XKR6: variants seen among roughly 807,000 people sequenced by gnomAD.
The protein encoded by XKR6 is XK-related protein 6.
In XKR6, 22 loss-of-function variants were observed where a neutral mutation model predicts 56.7. The observed-to-expected ratio is 0.39, with a 90% confidence interval of 0.28 to 0.55. The LOEUF (loss-of-function observed/expected upper bound fraction) is 0.55. Ranked by LOEUF, XKR6 falls within the 20% of genes least tolerant of loss-of-function variation. The probability of loss-of-function intolerance (pLI) is 0.66; values close to 1 mark genes in which losing one functional copy is unlikely to be tolerated. For synonymous variants in XKR6, 524 were observed against 387.8 expected, an observed-to-expected ratio of 1.35 and a Z score of -4.13; for missense variants, 852 against 889.0, an observed-to-expected ratio of 0.96 and a Z score of 0.53.
intron 1 of XKR6, among the ~76,000 whole-genome samples, chr8:10,979,084 A>G (rs1173237366): frequency 2.0e-5 from 3 of 151,868 alleles, no homozygotes; most frequent in East Asian, 3.9e-4. Context: ...CCCATCTTCA[A>G]TGTCACCTCC....
chr8:11,077,881 G>C (rs1010338234), intron 1 of XKR6, among the ~76,000 whole-genome samples: 5 of 152,184 alleles, frequency 3.3e-5, no homozygotes, highest in Non-Finnish European at 7.4e-5. Context: ...GGACCCAGGG[G>C]ATCCACAGAA....
rs1799924742 is a variant in XKR6 at position 10,897,780 on chromosome 8, G to A, written c.*172C>T. The A allele has an allele frequency of 1.4e-6, 1 of 698,832 alleles. No homozygotes were observed. Among genetic ancestry groups the A allele is most frequent in the African/African-American group, 1.8e-5 (1 of 55,820 alleles). 43.3% of individuals were successfully genotyped at this position (698,832 alleles called of 1,614,324 possible). On this transcript the variant is annotated 3_prime_UTR_variant, in exon 3 of 3. Transcript: ENST00000416569. ...GACTGGAAAGAAAGCTTATTTGAAGGGGTTGTGACTTATTAATTCTTTTTT... is the reference window on the plus strand; with the variant it reads ...GACTGGAAAGAAAGCTTATTTGAAGAGGTTGTGACTTATTAATTCTTTTTT...
chr8:11,002,404 C>T (rs1313588256), intron 1 of XKR6: 9 of 392,528 alleles, frequency 2.3e-5, no homozygotes. Context: ...GTTCTGTTGG[C>T]CTGGGGGAGG....
At position 11,189,035 on chromosome 8, in the gene XKR6, G is replaced by C. The variant is rs1271575590; in HGVS notation, c.764+11541C>G. On this transcript the variant is annotated intron_variant, in intron 1 of 2. Coordinates refer to ENST00000416569, the MANE Select transcript of XKR6 (RefSeq NM_173683.4). ...CCCCTCTCCTGGCTGTTCTCCCCAC[G>C]AATCTATCAAGCAAAATGTAGGTAG... Among the ~76,000 whole-genome samples, 3 of 152,150 alleles carry C rather than the reference G, an allele frequency of 2.0e-5. No homozygotes were observed. The East Asian group carries it at 5.8e-4, about 29-fold the overall frequency.
intron 2 of XKR6, among the ~76,000 whole-genome samples, chr8:10,911,246 A>T (rs975015390): frequency 6.7e-5 from 10 of 150,024 alleles, no homozygotes; most frequent in African/African-American, 2.5e-4. Context: ...GTATAGAGAG[A>T]GAGAGAGAGA....
chr8:10,972,799 C>T (rs1450530318), intron 1 of XKR6, among the ~76,000 whole-genome samples: 1 of 152,202 alleles, frequency 6.6e-6, no homozygotes, highest in Non-Finnish European at 1.5e-5. Flanking sequence ...GTGATGATTA[C>T]ACAACAGTGT....
At chr8:10,924,492 C>T in intron 2 of XKR6, 142 bp downstream of exon 2, 1 of 984,192 alleles carries the variant, frequency 1.0e-6, no homozygotes, top group South Asian at 1.6e-5. Flanking sequence ...CAGCACTGCA[C>T]TGGGGGCCGG....
intron 1 of XKR6, among the ~76,000 whole-genome samples, chr8:11,174,257 T>C (rs1381865002): frequency 1.3e-5 from 2 of 152,182 alleles, no homozygotes; most frequent in African/African-American, 4.8e-5. Context: ...ACCCTTCCTC[T>C]CAAGCAGTAA....
At chr8:11,119,209 G>C (rs544462906) in intron 1 of XKR6, among the ~76,000 whole-genome samples, 40 of 152,266 alleles carry the variant, frequency 2.6e-4, no homozygotes, top group Admixed American at 1.3e-3. Flanking sequence ...TACATTTGCT[G>C]AGGAGTGCTT....
chr8:10,990,895 C>CTTTTTT lies in XKR6; in HGVS notation c.765-66071_765-66066dup, dbSNP rs59410799. 3.5e-4 allele frequency among the ~76,000 whole-genome samples: 26 copies of CTTTTTT among 73,598 alleles called. 5 individuals are homozygous for CTTTTTT. The highest frequency in any genetic ancestry group is 1.0e-3 in the African/African-American group (17 of 16,874). 48.3% of individuals were successfully genotyped at this position (73,598 alleles called of 152,430 possible). On this transcript the variant is annotated intron_variant, in intron 1 of 2. Coordinates refer to ENST00000416569, the MANE Select transcript of XKR6 (RefSeq NM_173683.4). ...ACCATGCCCGGCCACTGGGGAATGT[C>CTTTTTT]TTTTTTTTTTTTTTTTTTTTTTTTC...
At chr8:11,128,015 A>T (rs1799913727) in intron 1 of XKR6, among the ~76,000 whole-genome samples, 1 of 152,230 alleles carries the variant, frequency 6.6e-6, no homozygotes, top group African/African-American at 2.4e-5. Flanking sequence ...ATAAAACGAC[A>T]TGCATTTGAT....
At chr8:11,102,034 G>A in intron 1 of XKR6, among the ~76,000 whole-genome samples, 1 of 152,204 alleles carries the variant, frequency 6.6e-6, no homozygotes, top group East Asian at 1.9e-4. Context: ...GCAACATTTA[G>A]AAACAGCGAG....
At chr8:11,115,579 T>C (rs1799132254) in intron 1 of XKR6, among the ~76,000 whole-genome samples, 1 of 152,234 alleles carries the variant, frequency 6.6e-6, no homozygotes, top group South Asian at 2.1e-4. Context: ...TTTGCATTTC[T>C]CTGCTGGTTC....
intron 1 of XKR6, among the ~76,000 whole-genome samples, chr8:10,946,721 AG>A (rs1801556320): frequency 6.6e-6 from 1 of 152,240 alleles, no homozygotes; most frequent in Admixed American, 6.5e-5. Context: ...GGGTAGGCAC[AG>A]GGGACCCAGC....
chr8:10,913,492 G>A (rs1800468302), intron 2 of XKR6, among the ~76,000 whole-genome samples: 1 of 152,164 alleles, frequency 6.6e-6, no homozygotes, highest in South Asian at 2.1e-4. Context: ...GCCTTGATAA[G>A]GATGGAGGCC....
intron 1 of XKR6, among the ~76,000 whole-genome samples, chr8:11,001,312 C>T (rs1798233455): frequency 6.6e-6 from 1 of 151,908 alleles, no homozygotes; most frequent in African/African-American, 2.4e-5. Flanking sequence ...TTAGGGCCAG[C>T]TAGTGAATAA....
intron 1 of XKR6, among the ~76,000 whole-genome samples, chr8:10,971,047 G>T (rs139729212): frequency 1.3e-5 from 2 of 151,348 alleles, no homozygotes; most frequent in African/African-American, 2.4e-5. Flanking sequence ...GGAACCTGGC[G>T]TGTCTATTCT....
At chr8:11,108,392 C>G (rs752974054) in intron 1 of XKR6, 13 of 447,688 alleles carry the variant, frequency 2.9e-5, no homozygotes, top group Middle Eastern at 3.3e-4. Flanking sequence ...TCTGATACCC[C>G]AAGACATAAG....
At chr8:11,079,210 T>C (rs1800350955) in intron 1 of XKR6, among the ~76,000 whole-genome samples, 2 of 152,186 alleles carry the variant, frequency 1.3e-5, no homozygotes, top group African/African-American at 4.8e-5. Flanking sequence ...TCTGTGTGTG[T>C]CTCCTGGCTT....
Sources: allele counts gnomAD v4.1 joint callset (sites outside exome capture counted in the v4.1 genomes callset), GRCh38; gene constraint gnomAD v4.1.1; transcripts MANE v1.5; gene names NCBI Gene and HGNC (gene_info 2026-07-23, HGNC 2026-07-21).